The following RIN2 variants were observed in gnomAD, a reference collection of about 807,000 sequenced individuals.
The protein encoded by RIN2 is Ras and Rab interactor 2, also known as RAB5 interacting protein 2.
A neutral mutation model predicts 78.0 loss-of-function variants in RIN2; 36 were observed. That is an observed-to-expected ratio of 0.46 (90% confidence interval 0.35 to 0.61). The LOEUF (loss-of-function observed/expected upper bound fraction) is 0.61, where lower values mean the gene tolerates loss of function less well. RIN2 is among the 20% of genes least tolerant of loss of function. The pLI is 0.00. For missense variants in RIN2, 1,087 were observed against 1,159.7 expected (o/e 0.94, Z 0.91); for synonymous variants, 466 against 466.8 (o/e 1.00, Z 0.02).
chr20:19,851,771 G>A (rs1341949086), intron 2 of RIN2, among the ~76,000 whole-genome samples: 3 of 152,144 alleles, frequency 2.0e-5, no homozygotes, highest in African/African-American at 7.2e-5. Context: ...TGGTTGCTGA[G>A]CACTGTGACA....
chr20:19,859,603 TCC>T, intron 2 of RIN2, among the ~76,000 whole-genome samples: 1 of 152,174 alleles, frequency 6.6e-6, no homozygotes, highest in Non-Finnish European at 1.5e-5. Flanking sequence ...TCCATGAAGA[TCC>T]CATCTATTCC....
At chr20:19,815,775 G>A (rs2035748343) in intron 2 of RIN2, among the ~76,000 whole-genome samples, 1 of 152,188 alleles carries the variant, frequency 6.6e-6, no homozygotes, top group African/African-American at 2.4e-5. Flanking sequence ...AAACTGATTA[G>A]TCACTGCTGA....
chr20:19,992,051 T>C lies in RIN2; in HGVS notation c.2069-117T>C, dbSNP rs1378946432. On this transcript the variant is annotated intron_variant, in intron 10 of 12. Transcript: ENST00000255006. Reference sequence around the variant, plus strand: ...TTCCAGAAACACTCACCTCTGTTTATAAATAGCACAGTTCCCCCCAGAGTG... The same window carrying C: ...TTCCAGAAACACTCACCTCTGTTTACAAATAGCACAGTTCCCCCCAGAGTG... 9 of 1,219,754 alleles carry C rather than the reference T, an allele frequency of 7.4e-6. No homozygotes were observed. In the East Asian group the frequency reaches 2.1e-4, roughly 28 times the overall value. 75.6% of individuals were successfully genotyped at this position (1,219,754 alleles called of 1,614,324 possible).
intron 9 of RIN2, among the ~76,000 whole-genome samples, chr20:19,982,764 G>A (rs1354674881): frequency 6.6e-6 from 1 of 152,174 alleles, no homozygotes; most frequent in African/African-American, 2.4e-5. Flanking sequence ...TCTGGCCCAG[G>A]GTGGGCTAGA....
chr20:19,902,015 CAAAAAAAAAAAA>C (rs55949901), intron 3 of RIN2, among the ~76,000 whole-genome samples: 1,563 of 100,702 alleles, frequency 0.016, 31 homozygotes, highest in African/African-American at 0.058. Context: ...GACTCTGTCT[CAAAAAAAAAAAA>C]AAAAAAAAAA....
Position 20,000,693 on chromosome 20 carries a change from T to C in RIN2, c.2445T>C (p.Thr815=), listed in dbSNP as rs370388173. The change falls in exon 13 of 13, where the codon ACT becomes ACC. Residue 815 remains threonine (T), a synonymous_variant. Transcript: ENST00000255006. The part of the protein sequence containing the change: ...KTLLVRPYIT[T]EDVCQICAEK... ...TCCTTGTGAGACCTTACATCACCACTGAGGATGTGTGTCAGATCTGCGCTG... is the reference window on the plus strand; with the variant it reads ...TCCTTGTGAGACCTTACATCACCACCGAGGATGTGTGTCAGATCTGCGCTG... 8 of 1,613,838 alleles carry C rather than the reference T, an allele frequency of 5.0e-6. No homozygotes were observed. In the African/African-American group the frequency reaches 9.3e-5, roughly 19 times the overall value.
At chr20:19,922,579 G>A (rs2039968497) in intron 3 of RIN2, among the ~76,000 whole-genome samples, 8 of 152,152 alleles carry the variant, frequency 5.3e-5, no homozygotes, top group Admixed American at 5.2e-4. Context: ...AATGCCTTGA[G>A]GTCCCCCGAG....
At chr20:19,961,096 C>A (rs6106170) in intron 6 of RIN2, among the ~76,000 whole-genome samples, 1 of 152,196 alleles carries the variant, frequency 6.6e-6, no homozygotes, top group African/African-American at 2.4e-5. Context: ...TTCCTCTCCC[C>A]CTACCCAGTT....
chr20:19,918,892 A>G (rs2039793720), intron 3 of RIN2, among the ~76,000 whole-genome samples: 1 of 152,204 alleles, frequency 6.6e-6, no homozygotes, highest in South Asian at 2.1e-4. Context: ...AAGTTGGCAT[A>G]GTTATATTTG....
chr20:19,815,745 A>G (rs2122849238), intron 2 of RIN2, among the ~76,000 whole-genome samples: 1 of 152,334 alleles, frequency 6.6e-6, no homozygotes, highest in South Asian at 2.1e-4. Flanking sequence ...GGAGCCCGCT[A>G]CACCACAGAG....
chr20:19,820,333 T>C (rs962382432), intron 2 of RIN2, among the ~76,000 whole-genome samples: 11 of 152,240 alleles, frequency 7.2e-5, no homozygotes, highest in Non-Finnish European at 1.5e-4. Context: ...AGAGACTCCA[T>C]CGTAGCCTTT....
intron 4 of RIN2, among the ~76,000 whole-genome samples, chr20:19,942,059 G>A (rs1332151635): frequency 2.0e-5 from 3 of 146,744 alleles, no homozygotes; most frequent in Non-Finnish European, 3.0e-5. Flanking sequence ...GTCATGAGCC[G>A]AGATCAAGCC....
intron 2 of RIN2, among the ~76,000 whole-genome samples, chr20:19,817,515 G>A (rs988299018): frequency 1.3e-4 from 20 of 151,928 alleles, no homozygotes; most frequent in East Asian, 1.9e-4. Flanking sequence ...ATTTGGGGGC[G>A]GGGGGCACAA....
At chr20:19,803,184 G>A (rs1346816444) in intron 2 of RIN2, among the ~76,000 whole-genome samples, 1 of 151,970 alleles carries the variant, frequency 6.6e-6, no homozygotes, top group African/African-American at 2.4e-5. Context: ...TATTTTCCTC[G>A]ATTCTACCCT....
chr20:19,895,020 T>C (rs2038657394), intron 3 of RIN2, among the ~76,000 whole-genome samples: 1 of 151,990 alleles, frequency 6.6e-6, no homozygotes, highest in Admixed American at 6.6e-5. Context: ...AACCCACCAA[T>C]CCCTGCCTCC....
intron 4 of RIN2, 24 bp from the exon 5 acceptor site, chr20:19,956,591 C>G (rs1248146135): frequency 1.2e-6 from 2 of 1,607,396 alleles, no homozygotes; most frequent in African/African-American, 2.7e-5. Context: ...AGCCAGCTGA[C>G]CGTGCCGCTT....
chr20:19,966,679 T>C (rs748929665), intron 7 of RIN2, among the ~76,000 whole-genome samples: 2 of 151,876 alleles, frequency 1.3e-5, no homozygotes, highest in Non-Finnish European at 2.9e-5. Context: ...AGCCACACAA[T>C]AAATGGCCTC....
chr20:19,860,584 AAGTACT>A (rs1270322888), intron 2 of RIN2, among the ~76,000 whole-genome samples: 1 of 152,066 alleles, frequency 6.6e-6, no homozygotes, highest in Admixed American at 6.6e-5. Flanking sequence ...TGGCCTCCCA[AAGTACT>A]GGGATTACAG....
At chr20:19,775,395 C>G (rs1028061811) in intron 1 of RIN2, among the ~76,000 whole-genome samples, 1 of 152,116 alleles carries the variant, frequency 6.6e-6, no homozygotes, top group Admixed American at 6.5e-5. Context: ...CCATTGAAGT[C>G]GGTATTTTGG....
Sources: allele counts gnomAD v4.1 joint callset (sites outside exome capture counted in the v4.1 genomes callset), GRCh38; gene constraint gnomAD v4.1.1; transcripts MANE v1.5; gene names NCBI Gene and HGNC (gene_info 2026-07-23, HGNC 2026-07-21).